The following SERPINB12 variants were observed in gnomAD, a reference collection of about 807,000 sequenced individuals.
The protein encoded by SERPINB12 is serpin family B member 12.
SERPINB12 carries 57 observed loss-of-function variants against 41.1 expected under a neutral mutation model. The ratio of observed to expected loss-of-function variants is 1.39; its 90% CI spans 1.12 to 1.73. The LOEUF (loss-of-function observed/expected upper bound fraction) is 1.73, where lower values mean the gene tolerates loss of function less well. Ranked by LOEUF, SERPINB12 falls within the 40% of genes most tolerant of loss-of-function variation. The pLI is 0.00. For missense variants in SERPINB12, 536 were observed against 501.9 expected (o/e 1.07, Z -0.65); for synonymous variants, 180 against 181.3 (o/e 0.99, Z 0.06).
upstream of SERPINB12, among the ~76,000 whole-genome samples, chr18:63,537,543 T>A (rs1403865255): frequency 6.6e-6 from 1 of 152,208 alleles, no homozygotes; most frequent in Non-Finnish European, 1.5e-5. Context: ...TACACCCATA[T>A]TTCTACATTT....
chr18:63,557,914 TTAA>T (rs1249596246), intron 2 of SERPINB12, among the ~76,000 whole-genome samples: 1 of 152,236 alleles, frequency 6.6e-6, no homozygotes, highest in Non-Finnish European at 1.5e-5. Flanking sequence ...GGGACTAATT[TTAA>T]TAATAATTTT....
At chr18:63,551,984 G>A (rs1422905235) in intron 1 of SERPINB12, among the ~76,000 whole-genome samples, 1 of 152,192 alleles carries the variant, frequency 6.6e-6, no homozygotes, top group Non-Finnish European at 1.5e-5. Context: ...GATGACGTCA[G>A]CCAAAGGGAT....
upstream of SERPINB12, among the ~76,000 whole-genome samples, chr18:63,542,078 T>A (rs1910284079): frequency 6.6e-6 from 1 of 152,192 alleles, no homozygotes; most frequent in South Asian, 2.1e-4. Flanking sequence ...TGTTACACAG[T>A]GGCTGGAGGG....
At chr18:63,529,861 T>A in the SERPINB12 span, among the ~76,000 whole-genome samples, 4 of 152,210 alleles carry the variant, frequency 2.6e-5, no homozygotes, top group African/African-American at 9.6e-5. Context: ...CTGTTCAAAT[T>A]AAAGAACTCT....
the SERPINB12 span, among the ~76,000 whole-genome samples, chr18:63,525,486 TAG>T: frequency 1.3e-5 from 2 of 152,156 alleles, no homozygotes; most frequent in African/African-American, 2.4e-5. Flanking sequence ...ATTTTATTAA[TAG>T]AGTCAAATGT....
intron 1 of SERPINB12, among the ~76,000 whole-genome samples, chr18:63,548,332 A>C (rs1469419785): frequency 1.3e-5 from 2 of 152,124 alleles, no homozygotes; most frequent in Non-Finnish European, 2.9e-5. Flanking sequence ...ATGTATCTTC[A>C]AAGCTAACAA....
At chr18:63,538,953 C>A (rs929901901), upstream of SERPINB12, among the ~76,000 whole-genome samples, 1 of 152,122 alleles carries the variant, frequency 6.6e-6, no homozygotes, top group African/African-American at 2.4e-5. Context: ...TAATATTGGT[C>A]ATTTAAAAAT....
At chr18:63,558,283 T>C in intron 2 of SERPINB12, 69 bp from the exon 3 acceptor site, 1 of 1,466,062 alleles carries the variant, frequency 6.8e-7, no homozygotes, top group Non-Finnish European at 9.2e-7. Context: ...CATTATGAAA[T>C]GTTTCTGAAG....
At chr18:63,545,100 G>A (rs1910354795) in intron 1 of SERPINB12, among the ~76,000 whole-genome samples, 1 of 152,110 alleles carries the variant, frequency 6.6e-6, no homozygotes, top group Non-Finnish European at 1.5e-5. Flanking sequence ...ATTGCTGAAA[G>A]ATTTATTGAT....
At chr18:63,549,641 C>A (rs1036066764) in intron 1 of SERPINB12, among the ~76,000 whole-genome samples, 2 of 152,112 alleles carry the variant, frequency 1.3e-5, no homozygotes, top group African/African-American at 2.4e-5. Flanking sequence ...AGAGAAGCAA[C>A]CCCCATAAAG....
At chr18:63,543,494 T>C (rs142877117) in intron 1 of SERPINB12, among the ~76,000 whole-genome samples, 290 of 152,326 alleles carry the variant, frequency 1.9e-3, no homozygotes, top group African/African-American at 6.7e-3. Context: ...CAAATGAATG[T>C]CTAGGCTGTT....
upstream of SERPINB12, among the ~76,000 whole-genome samples, chr18:63,541,258 C>T (rs1381151635): frequency 6.6e-6 from 1 of 152,170 alleles, no homozygotes; most frequent in African/African-American, 2.4e-5. Flanking sequence ...GTTAGGCATT[C>T]ACAACTTTAA....
intron 1 of SERPINB12, among the ~76,000 whole-genome samples, chr18:63,555,380 G>A (rs918673438): frequency 6.6e-6 from 1 of 152,150 alleles, no homozygotes; most frequent in African/African-American, 2.4e-5. Context: ...AATCTGTGGA[G>A]AAGAATGAGA....
upstream of SERPINB12, among the ~76,000 whole-genome samples, chr18:63,540,930 T>C (rs114663839): frequency 9.4e-3 from 1,433 of 152,302 alleles, 19 homozygotes; most frequent in African/African-American, 0.033. Flanking sequence ...AGCTCAGCTA[T>C]GTATAAAGTG....
intron 2 of SERPINB12, among the ~76,000 whole-genome samples, 194 bp downstream of exon 2, chr18:63,556,521 C>T (rs899840749): frequency 6.6e-6 from 1 of 152,206 alleles, no homozygotes; most frequent in Admixed American, 6.5e-5. Context: ...CTTAAAGTCT[C>T]ACTTAAACTT....
upstream of SERPINB12, among the ~76,000 whole-genome samples, chr18:63,540,497 C>T (rs1015652954): frequency 6.6e-5 from 10 of 152,132 alleles, no homozygotes; most frequent in African/African-American, 2.4e-4. Flanking sequence ...TGCATTCCAG[C>T]TTAAAAATGC....
chr18:63,536,266 A>C, the SERPINB12 span, among the ~76,000 whole-genome samples: 1 of 152,006 alleles, frequency 6.6e-6, no homozygotes, highest in Non-Finnish European at 1.5e-5. Flanking sequence ...AACCATATTT[A>C]AATGTCAAAT....
chr18:63,550,496 T>G (rs1308821447), intron 1 of SERPINB12, among the ~76,000 whole-genome samples: 2 of 152,236 alleles, frequency 1.3e-5, no homozygotes, highest in Non-Finnish European at 2.9e-5. Context: ...TACAATACAT[T>G]TTAAAATTAA....
Position 63,556,145 on chromosome 18 carries a change from G to A in SERPINB12, c.-15G>A, listed in dbSNP as rs751537843. 6.0e-5 allele frequency: 97 copies of A among 1,603,912 alleles called. 1 individual carries two copies. In the Middle Eastern group the frequency reaches 6.6e-4, roughly 11 times the overall value. ...TCTCCTTTTTTTTTGGTTTTAGATC[G>A]TTATAAGTTTTACAATGGACTCTCT... On this transcript the variant is annotated 5_prime_UTR_variant, in exon 2 of 8. Transcript: ENST00000382768.
Sources: gnomAD v4.1 joint callset for allele counts (sites outside exome capture counted in the v4.1 genomes callset) on GRCh38, gnomAD v4.1.1 for gene constraint, MANE v1.5 for transcripts, NCBI Gene and HGNC (gene_info 2026-07-23, HGNC 2026-07-21) for gene names.